CHGA: variants seen among roughly 807,000 people sequenced by gnomAD.
CHGA encodes chromogranin-A.
CHGA carries 41 observed loss-of-function variants against 54.4 expected under a neutral mutation model. The observed-to-expected ratio is 0.75, with a 90% confidence interval of 0.59 to 0.98. The LOEUF (loss-of-function observed/expected upper bound fraction) is 0.98. CHGA is among the 50% of genes least tolerant of loss of function. CHGA has a pLI of 0.00. For synonymous variants in CHGA, 249 were observed against 232.8 expected (o/e 1.07, Z -0.63); for missense variants, 576 against 582.3 (o/e 0.99, Z 0.11).
At chr14:92,928,360 G>A (rs1024227530) in intron 4 of CHGA, among the ~76,000 whole-genome samples, 9 of 152,150 alleles carry the variant, frequency 5.9e-5, no homozygotes, top group African/African-American at 1.9e-4. Context: ...GAGGGCTTTG[G>A]GGAGGAGGCA....
At chr14:92,933,791 G>A (rs750872145) in intron 7 of CHGA, among the ~76,000 whole-genome samples, 2 of 152,194 alleles carry the variant, frequency 1.3e-5, no homozygotes, top group African/African-American at 2.4e-5. Flanking sequence ...CAGGGCGAGG[G>A]GCTGAGGACA....
chr14:92,927,100 C>T (rs940386556), intron 3 of CHGA, among the ~76,000 whole-genome samples: 13 of 152,130 alleles, frequency 8.5e-5, no homozygotes, highest in Non-Finnish European at 8.8e-5. Context: ...AGGAGAAGGA[C>T]GAAATCTTTC....
chr14:92,924,333 C>T (rs1482271013), intron 2 of CHGA, 88 bp downstream of exon 2: 1 of 1,368,304 alleles, frequency 7.3e-7, no homozygotes, highest in African/African-American at 1.5e-5. Context: ...GTAAGTTCGG[C>T]ATAAAGCCAA....
In CHGA at chr14:92,934,845, G is replaced by A. The variant is rs1016046965; in HGVS notation, c.1335G>A (p.Glu445=). 6 of 1,585,610 alleles carry A rather than the reference G, an allele frequency of 3.8e-6. No individual in the cohort carries two copies. In the African/African-American group the frequency reaches 6.7e-5, roughly 18 times the overall value. The change falls in exon 8 of 8, where the codon GAG becomes GAA. Residue 445 remains glutamate, a synonymous_variant. Transcript: ENST00000216492. ...ESLSAIEAEL[E]KVAHQLQALR... is the part of the protein sequence containing the mutation. ...TGTCGGCCATTGAAGCAGAGCTGGA[G>A]AAAGTGGCCCACCAGCTGCAGGCAC...
chr14:92,934,985 G>C lies in CHGA; in HGVS notation c.*101G>C. The C allele has an allele frequency of 2.0e-6, 2 of 1,022,528 alleles. No individual in the cohort carries two copies. Among genetic ancestry groups the C allele is most frequent in the Non-Finnish European group, 2.8e-6 (2 of 723,220 alleles). The allele number at this position is 1,022,528 out of a possible 1,614,324, so 63.3% of individuals were successfully genotyped here. ...GATGGCCCGGATGCTGCTTCCGGTA[G>C]GGAGGCAGCCTCCAGCCTGCCCAAG... On this transcript the variant is annotated 3_prime_UTR_variant, in exon 8 of 8. Transcript: ENST00000216492.
At chr14:92,924,916 A>G (rs573437676) in intron 2 of CHGA, among the ~76,000 whole-genome samples, 84 of 152,300 alleles carry the variant, frequency 5.5e-4, no homozygotes, top group African/African-American at 2.0e-3. Flanking sequence ...TCTAGTGCTC[A>G]TCCAAATCTC....
Position 92,932,362 on chromosome 14 carries a change from T to C in CHGA, c.809-8T>C, listed in dbSNP as rs1456799500. ...CATTCTCCTGCTCTTGCCCACCACCTGCTCCAGGTCGGTCGGAGGCTCTGG... is the reference window on the plus strand; with the variant it reads ...CATTCTCCTGCTCTTGCCCACCACCCGCTCCAGGTCGGTCGGAGGCTCTGG... On this transcript the variant is annotated splice_region_variant and splice_polypyrimidine_tract_variant and intron_variant, in intron 6 of 7. Transcript: ENST00000216492. This position sits in a 1 kb window ranked among gnomAD's most constrained non-coding sequence, Gnocchi z 5.3. 1 of 1,572,020 alleles carries C rather than the reference T, an allele frequency of 6.4e-7. No individual in the cohort carries two copies. The highest frequency in any genetic ancestry group is 8.6e-7 in the Non-Finnish European group (1 of 1,158,562).
chr14:92,923,859 C>A (rs570923391), intron 1 of CHGA, among the ~76,000 whole-genome samples: 27 of 152,350 alleles, frequency 1.8e-4, no homozygotes, highest in African/African-American at 5.3e-4. Context: ...CCCCGCCCCC[C>A]CCACCTCTGG....
chr14:92,927,184 T>C (rs996183158), intron 3 of CHGA, among the ~76,000 whole-genome samples: 3 of 152,156 alleles, frequency 2.0e-5, no homozygotes, highest in African/African-American at 4.8e-5. Context: ...AAAAGAAACA[T>C]TGGAAACCGA....
rs764891339 is a variant in CHGA, at chr14:92,932,771, G to T, written c.1210G>T (p.Glu404Ter). ...GCCATCCTCCCGGGAGGACAGCCTT[G>T]AGGCGGGCCTGCCCCTCCAGGTCCG... ...WRPSSREDSLEAGLPLQVRGY... is the reference protein window; with the variant it reads ...WRPSSREDSL Residue 404 changes from glutamate to a stop codon, truncating the protein, a stop_gained, in exon 7 of 8, where the codon GAG becomes TAG. Transcript: ENST00000216492. LOFTEE classifies it high-confidence loss of function. This position sits in a 1 kb window ranked among gnomAD's most constrained non-coding sequence, Gnocchi z 5.3. The T allele has an allele frequency of 6.3e-7, 1 of 1,595,968 alleles. No individual in the cohort carries two copies. Among genetic ancestry groups the T allele is most frequent in the Admixed American group, 1.7e-5 (1 of 58,314 alleles).
intron 1 of CHGA, among the ~76,000 whole-genome samples, chr14:92,923,855 C>T (rs551190772): frequency 7.0e-6 from 1 of 142,866 alleles, no homozygotes; most frequent in Non-Finnish European, 1.5e-5. Context: ...CTTCCCCCGC[C>T]CCCCCCACCT....
Position 92,934,948 on chromosome 14 carries a change from AGGTCCTGGCCAGATGGCCC to A in CHGA, c.*67_*85del. The A allele has an allele frequency of 7.0e-7, 1 of 1,423,260 alleles. No individual in the cohort carries two copies. Among genetic ancestry groups the A allele is most frequent in the Non-Finnish European group, 9.5e-7 (1 of 1,056,576 alleles). The allele number at this position is 1,423,260 out of a possible 1,614,324, so 88.2% of individuals were successfully genotyped here. A position where few individuals can be genotyped will look rare whatever the true frequency, so the allele number is the denominator to read the frequency against. On this transcript the variant is annotated 3_prime_UTR_variant, in exon 8 of 8. Transcript: ENST00000216492. ...GCCCTGGCTCTGCTGTCCCCTTGGC[AGGTCCTGGCCAGATGGCCC>A]GGATGCTGCTTCCGGTAGGGAGGCA... is the stretch of plus-strand genomic sequence containing the variant.
chr14:92,930,830 G>A (rs1163465707), intron 5 of CHGA, among the ~76,000 whole-genome samples: 1 of 152,190 alleles, frequency 6.6e-6, no homozygotes, highest in Admixed American at 6.5e-5. Context: ...CTAAAATATT[G>A]CAGAATTGAG....
Position 92,923,323 on chromosome 14 carries a change from GC to G in CHGA, c.-33del, listed in dbSNP as rs1451599932. On this transcript the variant is annotated 5_prime_UTR_variant, in exon 1 of 8. Coordinates refer to ENST00000216492, the MANE Select transcript of CHGA (RefSeq NM_001275.4). ...CCCTCGCCCGGTGCCTAGGTGCCCG[GC>G]CCCACACCGCCAGCTGCTCGGCGCC... 1 of 1,320,458 alleles carries G rather than the reference GC, an allele frequency of 7.6e-7. No individual in the cohort carries two copies. Among genetic ancestry groups the G allele is most frequent in the South Asian group, 2.1e-5 (1 of 46,810 alleles). 81.8% of individuals were successfully genotyped at this position (1,320,458 alleles called of 1,614,324 possible).
intron 5 of CHGA, 22 bp downstream of exon 5, chr14:92,929,837 C>A (rs780438809): frequency 6.2e-7 from 1 of 1,604,550 alleles, no homozygotes; most frequent in Non-Finnish European, 8.5e-7. Flanking sequence ...CCGGTCTGGC[C>A]GGAGGTGGGG....
At position 92,934,852 on chromosome 14, in the gene CHGA, G is replaced by C; in HGVS notation, c.1342G>C (p.Ala448Pro). 1 of 1,583,520 alleles carries C rather than the reference G, an allele frequency of 6.3e-7. No individual in the cohort carries two copies. The highest frequency in any genetic ancestry group is 1.8e-5 in the Admixed American group (1 of 55,360). The change falls in exon 8 of 8, where the codon GCC becomes CCC. Residue 448 changes from alanine to proline, a missense_variant. Ala to Pro is a conservative substitution (Grantham distance 27, BLOSUM62 -1). Transcript: ENST00000216492. The part of the protein sequence containing the change: ...SAIEAELEKV[A>P]HQLQALRRG ...CATTGAAGCAGAGCTGGAGAAAGTG[G>C]CCCACCAGCTGCAGGCACTACGGCG...
chr14:92,930,978 T>C (rs1886981804), intron 5 of CHGA, among the ~76,000 whole-genome samples: 1 of 152,238 alleles, frequency 6.6e-6, no homozygotes, highest in African/African-American at 2.4e-5. Context: ...AGTTCAGGCT[T>C]TATCTCCTGG....
chr14:92,926,963 A>T (rs1886898590), intron 3 of CHGA, among the ~76,000 whole-genome samples: 1 of 152,252 alleles, frequency 6.6e-6, no homozygotes, highest in African/African-American at 2.4e-5. Flanking sequence ...TGAAACAGCA[A>T]GCCCCCAGAC....
chr14:92,929,578 G>A (rs1886953580), intron 4 of CHGA, 139 bp from the exon 5 acceptor site: 6 of 734,468 alleles, frequency 8.2e-6, no homozygotes, highest in African/African-American at 3.5e-5. Flanking sequence ...CCAAGCTCAC[G>A]CCCCATCAGT....
Sources: gnomAD v4.1 joint callset for allele counts (sites outside exome capture counted in the v4.1 genomes callset) on GRCh38, gnomAD v4.1.1 for gene constraint, Gnocchi (gnomAD v3.1) non-coding constraint, MANE v1.5 for transcripts, NCBI Gene and HGNC (gene_info 2026-07-23, HGNC 2026-07-21) for gene names.